Variants in NFIA observed in about 807,000 individuals in gnomAD.
NFIA encodes nuclear factor 1 A-type.
Under a neutral mutation model 62.8 loss-of-function variants are expected in NFIA, and 8 were observed. That is an observed-to-expected ratio of 0.13 (90% confidence interval 0.07 to 0.23). The LOEUF is 0.23. Ranked by LOEUF, NFIA falls within the 10% of genes least tolerant of loss-of-function variation. The pLI, the probability that NFIA is intolerant of heterozygous loss-of-function variation, is 1.00. For synonymous variants in NFIA, 235 were observed against 238.1 expected, an observed-to-expected ratio of 0.99 and a Z score of 0.12; for missense variants, 410 against 642.1, an observed-to-expected ratio of 0.64 and a Z score of 3.91.
chr1:61,291,503 A>G (rs56708865), intron 3 of NFIA, among the ~76,000 whole-genome samples: 164 of 152,302 alleles, frequency 1.1e-3, no homozygotes, highest in African/African-American at 3.7e-3. Context: ...AAATAATACT[A>G]TGTACTGTAA....
chr1:61,101,150 C>T (rs1369708060), intron 2 of NFIA, among the ~76,000 whole-genome samples: 1 of 152,076 alleles, frequency 6.6e-6, no homozygotes, highest in Non-Finnish European at 1.5e-5. Flanking sequence ...AATCCCGGCA[C>T]TTTGGGAGGC....
chr1:61,383,133 T>G, intron 6 of NFIA, 104 bp from the exon 7 acceptor site: 1 of 1,407,470 alleles, frequency 7.1e-7, no homozygotes, highest in Non-Finnish European at 9.8e-7. Context: ...ACAGGTGGAT[T>G]TCTCTTTTTG....
At chr1:61,153,259 G>C (rs1648550955) in intron 2 of NFIA, among the ~76,000 whole-genome samples, 1 of 152,166 alleles carries the variant, frequency 6.6e-6, no homozygotes, top group African/African-American at 2.4e-5. Context: ...ATTATATTAT[G>C]TTGTATCAGC....
At chr1:61,206,808 C>T (rs1652926359) in intron 2 of NFIA, among the ~76,000 whole-genome samples, 1 of 152,086 alleles carries the variant, frequency 6.6e-6, no homozygotes, top group African/African-American at 2.4e-5. Context: ...CTCAAGATTG[C>T]CCTCCCAAGC....
chr1:61,438,382 G>A (rs373011884), intron 10 of NFIA, among the ~76,000 whole-genome samples: 1 of 152,186 alleles, frequency 6.6e-6, no homozygotes, highest in East Asian at 1.9e-4. Flanking sequence ...TGGAGGCAGG[G>A]TGCTGCTCAT....
rs1570108381 is a variant in NFIA at position 61,082,672 on chromosome 1, T to C, written c.-120T>C. The C allele has an allele frequency of 1.0e-5, 15 of 1,445,720 alleles. No individual in the cohort carries two copies. The highest frequency in any genetic ancestry group is 7.3e-5 in the Admixed American group (3 of 41,130). The allele number at this position is 1,445,720 out of a possible 1,614,324, so 89.6% of individuals were successfully genotyped here. A position where few individuals can be genotyped will look rare whatever the true frequency, so the allele number is the denominator to read the frequency against. ...AGGCTTGATTTTTTTTTCTCCCCCC[T>C]TCTCTCTCTCTCTCTCTCTCTCTCT... On this transcript the variant is annotated 5_prime_UTR_variant, in exon 1 of 11. Transcript: ENST00000403491.
rs747060868 is a variant in NFIA at position 61,404,390 on chromosome 1, C to T, written c.1254+108C>T. ...ACGTTGTGCTCTAATGTTGTGCTGA[C>T]TGACTGCAGGCAAATGTCATATTTA... On this transcript the variant is annotated intron_variant, in intron 8 of 10. Transcript: ENST00000403491. 1.7e-4 allele frequency: 189 copies of T among 1,128,382 alleles called. 1 individual carries two copies. Among genetic ancestry groups the T allele is most frequent in the Non-Finnish European group, 1.6e-4 (130 of 810,826 alleles). The allele number at this position is 1,128,382 out of a possible 1,614,324, so 69.9% of individuals were successfully genotyped here.
At chr1:61,358,244 A>G (rs9436637) in intron 5 of NFIA, among the ~76,000 whole-genome samples, 133,192 of 151,838 alleles carry the variant, frequency 0.88, 58,447 homozygotes, top group East Asian at 0.95. Flanking sequence ...TATTTCTAGT[A>G]TTTAGAGCAG....
At chr1:61,311,157 C>T (rs1660090638) in intron 3 of NFIA, among the ~76,000 whole-genome samples, 1 of 152,122 alleles carries the variant, frequency 6.6e-6, no homozygotes, top group Admixed American at 6.5e-5. Flanking sequence ...TTTGGGAGGC[C>T]AAGGCAGGCA....
chr1:61,388,637 G>C (rs894032587), intron 7 of NFIA, among the ~76,000 whole-genome samples: 1 of 152,306 alleles, frequency 6.6e-6, no homozygotes, highest in South Asian at 2.1e-4. Context: ...TTTAGGAACA[G>C]AGAGCAGCCT....
At chr1:61,089,685 G>C (rs537691616) in intron 2 of NFIA, among the ~76,000 whole-genome samples, 76 of 118,170 alleles carry the variant, frequency 6.4e-4, no homozygotes, top group African/African-American at 2.4e-3. Flanking sequence ...AATATTTAAC[G>C]TTTTTTTTTC....
intron 3 of NFIA, among the ~76,000 whole-genome samples, chr1:61,285,105 G>A (rs566675890): frequency 3.9e-5 from 6 of 152,268 alleles, no homozygotes; most frequent in African/African-American, 1.4e-4. Flanking sequence ...ATCACAGTGC[G>A]GTAGAAGGTG....
intron 3 of NFIA, among the ~76,000 whole-genome samples, chr1:61,311,638 C>G (rs1660122343): frequency 6.6e-6 from 1 of 152,098 alleles, no homozygotes; most frequent in East Asian, 1.9e-4. Flanking sequence ...CCAGACATTG[C>G]CAAATGTCAC....
chr1:61,352,485 C>T lies in NFIA; in HGVS notation c.736C>T (p.Leu246Phe), dbSNP rs1008662830. Residue 246 changes from leucine (L) to phenylalanine (F), a missense_variant, in exon 5 of 11, where the codon CTC becomes TTC. Physicochemically the swap from Leu to Phe is conservative, Grantham distance 22. This residue lies in a region of NFIA where 298 missense variants were observed against 438.1 expected (regional missense o/e 0.68). Transcript: ENST00000403491. ...TGCAGGAACTGGCCCAAATTTTTCT[C>T]TCTCAGATTTGGAAAGTTCTTCATA... ...IAAGTGPNFS[L>F]SDLESSSYYS... The T allele has an allele frequency of 1.2e-6, 2 of 1,613,952 alleles. No homozygotes were observed. Among genetic ancestry groups the T allele is most frequent in the Non-Finnish European group, 1.7e-6 (2 of 1,179,926 alleles).
At chr1:61,407,545 C>A (rs182285068) in intron 9 of NFIA, among the ~76,000 whole-genome samples, 3 of 151,998 alleles carry the variant, frequency 2.0e-5, no homozygotes, top group South Asian at 4.1e-4. Context: ...GGAATAATGA[C>A]AAAAAGAGTG....
intron 7 of NFIA, among the ~76,000 whole-genome samples, chr1:61,385,694 G>A (rs1180845203): frequency 6.6e-6 from 1 of 152,130 alleles, no homozygotes; most frequent in African/African-American, 2.4e-5. Context: ...CATGCTAGAT[G>A]ACTAAGCACA....
chr1:61,187,413 A>G (rs1318838242), intron 2 of NFIA, among the ~76,000 whole-genome samples: 1 of 152,206 alleles, frequency 6.6e-6, no homozygotes, highest in African/African-American at 2.4e-5. Context: ...TGCCTTAGTC[A>G]TTTAAAAATT....
intron 3 of NFIA, among the ~76,000 whole-genome samples, chr1:61,327,036 A>AATAT (rs1553173272): frequency 6.8e-6 from 1 of 147,742 alleles, no homozygotes; most frequent in South Asian, 2.1e-4. Context: ...AAGAAAAAAA[A>AATAT]ATATATATAT....
At chr1:61,332,413 A>G (rs1287082838) in intron 3 of NFIA, 99 bp from the exon 4 acceptor site, 5 of 1,090,456 alleles carry the variant, frequency 4.6e-6, no homozygotes, top group Non-Finnish European at 2.8e-6. Flanking sequence ...GAGATTAGGC[A>G]CCACATGTGT....
Sources: gnomAD v4.1 joint callset for allele counts (sites outside exome capture counted in the v4.1 genomes callset) on GRCh38, gnomAD v4.1.1 for gene constraint, gnomAD v4.1.1 regional missense constraint, MANE v1.5 for transcripts, NCBI Gene and HGNC (gene_info 2026-07-23, HGNC 2026-07-21) for gene names.